Variants in KCNN4 observed in about 807,000 individuals in gnomAD.
KCNN4 encodes the protein intermediate conductance calcium-activated potassium channel protein 4.
In KCNN4, 31 loss-of-function variants were observed where a neutral mutation model predicts 45.2. That is an observed-to-expected ratio of 0.69 (90% CI 0.52 to 0.92). The LOEUF (loss-of-function observed/expected upper bound fraction) is 0.92. Ranked by LOEUF, KCNN4 falls within the 40% of genes least tolerant of loss-of-function variation. The probability of loss-of-function intolerance (pLI) is 0.00; values close to 1 mark genes in which losing one functional copy is unlikely to be tolerated. For synonymous variants in KCNN4, 231 were observed against 254.6 expected (o/e 0.91, Z 0.88); for missense variants, 463 against 574.0 (o/e 0.81, Z 1.98).
At chr19:43,776,672 C>A in intron 1 of KCNN4, 36 bp from the exon 2 acceptor site, 1 of 1,413,870 alleles carries the variant, frequency 7.1e-7, no homozygotes, top group Non-Finnish European at 1.0e-6. Context: ...TGTGAGATCC[C>A]AGGTCTCCCT....
In KCNN4 at chr19:43,776,643, G is replaced by C. The variant is rs1221882660; in HGVS notation, c.160-7C>G. The stretch of plus-strand genomic sequence containing the variant: ...GGAACAGGTAGAGCGCCCACTGTCA[G>C]GGGGGACGGAAAAAGCGGTGTGAGA... On this transcript the variant is annotated splice_region_variant and splice_polypyrimidine_tract_variant and intron_variant, in intron 1 of 8. Transcript: ENST00000648319. 5 of 1,597,152 alleles carry C rather than the reference G, an allele frequency of 3.1e-6. No homozygotes were observed. The highest frequency in any genetic ancestry group is 4.3e-6 in the Non-Finnish European group (5 of 1,164,672).
intron 7 of KCNN4, 142 bp from the exon 8 acceptor site, chr19:43,767,849 T>G: frequency 9.3e-7 from 1 of 1,074,600 alleles, no homozygotes; most frequent in Middle Eastern, 2.5e-4. Flanking sequence ...TACCATGTAT[T>G]GACCACCTAC....
At position 43,774,129 on chromosome 19, in the gene KCNN4, C is replaced by T. The variant is rs574825086; in HGVS notation, c.683+63G>A. ...GGGGGCCTCAACCTGCACCGCGGCA[C>T]AGGACGGCCGCCGTGGCTGTCCGGG... On this transcript the variant is annotated intron_variant, in intron 3 of 8. Transcript: ENST00000648319. This position sits in a 1 kb window ranked among gnomAD's most constrained non-coding sequence, Gnocchi z 5.6. 23 of 1,503,874 alleles carry T rather than the reference C, an allele frequency of 1.5e-5. No homozygotes were observed. In the African/African-American group the frequency reaches 2.8e-4, roughly 18 times the overall value. The allele number at this position is 1,503,874 out of a possible 1,614,324, so 93.2% of individuals were successfully genotyped here.
At position 43,772,157 on chromosome 19, in the gene KCNN4, T is replaced by C. The variant is rs1372176665; in HGVS notation, c.684-22A>G. 6.2e-7 allele frequency: 1 copy of C among 1,611,642 alleles called. No individual in the cohort carries two copies. Among genetic ancestry groups the C allele is most frequent in the Non-Finnish European group, 8.5e-7 (1 of 1,179,194 alleles). On this transcript the variant is annotated intron_variant, in intron 3 of 8. Coordinates refer to ENST00000648319, the MANE Select transcript of KCNN4 (RefSeq NM_002250.3). The surrounding 1 kb of genome is among the most constrained non-coding windows in gnomAD (Gnocchi z 4.4). ...CTGCCTATGGGGAAGGGTAGGTTAG[T>C]TCTAAAACCCCACCATAGAGGTTTC...
chr19:43,769,671 T>C lies in KCNN4; in HGVS notation c.930+48A>G, dbSNP rs1029696671. ...GGGGAAGCAGGGGCGCCTGGACTCCTGCTTCTTGGAAGAGGGGTGTCCCAT... is the reference window on the plus strand; with the variant it reads ...GGGGAAGCAGGGGCGCCTGGACTCCCGCTTCTTGGAAGAGGGGTGTCCCAT... On this transcript the variant is annotated intron_variant, in intron 5 of 8. Transcript: ENST00000648319. The surrounding 1 kb of genome is among the most constrained non-coding windows in gnomAD (Gnocchi z 4.4). 1 of 1,572,096 alleles carries C rather than the reference T, an allele frequency of 6.4e-7. No individual in the cohort carries two copies. The highest frequency in any genetic ancestry group is 1.4e-5 in the African/African-American group (1 of 73,964).
Position 43,769,265 on chromosome 19 carries a change from C to T in KCNN4, c.1049+177G>A, listed in dbSNP as rs1409696037. 40 of 675,998 alleles carry T rather than the reference C, an allele frequency of 5.9e-5. No individual in the cohort carries two copies. The highest frequency in any genetic ancestry group is 5.2e-6 in the Non-Finnish European group (2 of 386,534). The allele number at this position is 675,998 out of a possible 1,614,324, so 41.9% of individuals were successfully genotyped here. A position where few individuals can be genotyped will look rare whatever the true frequency, so the allele number is the denominator to read the frequency against. ...CACACCGAGATATGCGGAGACAAAC[C>T]AGCACAGACACATAGAGTCATGCAC... On this transcript the variant is annotated intron_variant, in intron 6 of 8. Coordinates refer to ENST00000648319, the MANE Select transcript of KCNN4 (RefSeq NM_002250.3). The surrounding 1 kb of genome is among the most constrained non-coding windows in gnomAD (Gnocchi z 4.4).
chr19:43,774,384 G>A lies in KCNN4; in HGVS notation c.491C>T (p.Pro164Leu), dbSNP rs1355065023. Residue 164 changes from proline to leucine, a missense_variant, in exon 3 of 9, where the codon CCC becomes CTC. Physicochemically the swap from Pro to Leu is moderately conservative, Grantham distance 98. This residue lies in a region of KCNN4 where 225 missense variants were observed against 240.9 expected (regional missense o/e 0.93). Transcript: ENST00000648319. This position sits in a 1 kb window ranked among gnomAD's most constrained non-coding sequence, Gnocchi z 5.6. ...LAMLLRLYLV[P>L]RAVLLRSGVL... The stretch of plus-strand genomic sequence containing the variant: ...GCCGCTGCGCAGGAGCACGGCGCGG[G>A]GCACCAGGTAGAGACGCAGCAGCAT... 1.9e-6 allele frequency: 3 copies of A among 1,603,270 alleles called. No individual in the cohort carries two copies. The highest frequency in any genetic ancestry group is 2.6e-6 in the Non-Finnish European group (3 of 1,175,300).
intron 8 of KCNN4, 164 bp downstream of exon 8, chr19:43,767,376 C>T: frequency 1.2e-6 from 1 of 815,312 alleles, no homozygotes; most frequent in Non-Finnish European, 1.9e-6. Context: ...CCTTCACTGC[C>T]AGTCCAGCCC....
rs1221270770 is a variant in KCNN4 at position 43,776,143 on chromosome 19, A to T, written c.255+398T>A. Among the ~76,000 whole-genome samples, 773 of 150,106 alleles carry T rather than the reference A, an allele frequency of 5.1e-3. 12 individuals are homozygous for T. The highest frequency in any genetic ancestry group is 0.018 in the African/African-American group (745 of 40,912). On this transcript the variant is annotated intron_variant, in intron 2 of 8. Transcript: ENST00000648319. ...ACCTTGTCTCAAAAAAAAAAAAAAA[A>T]AAAAAAAAAAAAAGGAGTGGGCAGC...
At position 43,774,515 on chromosome 19, in the gene KCNN4, CGCCGGGTGCA is replaced by C; in HGVS notation, c.350_359del (p.Leu117ArgfsTer12). 6.3e-7 allele frequency: 1 copy of C among 1,596,454 alleles called. No individual in the cohort carries two copies. The highest frequency in any genetic ancestry group is 8.5e-7 in the Non-Finnish European group (1 of 1,174,914). ...GCACGCACGGCGGGCCCCGCACGGGCGCCGGGTGCAGCCCACACACCACCAGCTCCAGCAC... is the reference window on the plus strand; with the variant it reads ...GCACGCACGGCGGGCCCCGCACGGGCGCCCACACACCACCAGCTCCAGCAC... On this transcript the variant is annotated frameshift_variant, in exon 3 of 9. Transcript: ENST00000648319. LOFTEE classifies it high-confidence loss of function. This position sits in a 1 kb window ranked among gnomAD's most constrained non-coding sequence, Gnocchi z 5.6.
In KCNN4 at chr19:43,767,702, G is replaced by A. The variant is rs765197654; in HGVS notation, c.1125C>T (p.His375=). The A allele has an allele frequency of 1.9e-6, 3 of 1,614,186 alleles. No individual in the cohort carries two copies. The East Asian group carries it at 6.7e-5, about 36-fold the overall frequency. The part of the protein sequence containing the change: ...VNSMVDISKM[H]MILYDLQQNL... ...TCTGCTGCAGGTCATACAGGATCAT[G>A]TGCATCTGGGTGGGAGGAGAGGATC... The change falls in exon 8 of 9, where the codon CAC becomes CAT. Residue 375 remains histidine, a synonymous_variant. Coordinates refer to ENST00000648319, the MANE Select transcript of KCNN4 (RefSeq NM_002250.3).
At chr19:43,780,130 C>T (rs1407231786) in intron 1 of KCNN4, among the ~76,000 whole-genome samples, 1 of 152,080 alleles carries the variant, frequency 6.6e-6, no homozygotes. Context: ...TACCTCTCCC[C>T]TTATTGGCTC....
chr19:43,780,810 A>G lies in KCNN4; in HGVS notation c.52T>C (p.Leu18=), dbSNP rs1340361313. 6.2e-7 allele frequency: 1 copy of G among 1,613,840 alleles called. No individual in the cohort carries two copies. The highest frequency in any genetic ancestry group is 8.5e-7 in the Non-Finnish European group (1 of 1,179,954). The change falls in exon 1 of 9, where the codon TTG becomes CTG. Residue 18 remains leucine (L), a synonymous_variant. Coordinates refer to ENST00000648319, the MANE Select transcript of KCNN4 (RefSeq NM_002250.3). ...GLGALRRRKR[L]LEQEKSLAGW... ...GCCAGAGACTTCTCCTGCTCCAGCAAGCGCTTTCGGCGTCTCAAGGCCCCC... is the reference window on the plus strand; with the variant it reads ...GCCAGAGACTTCTCCTGCTCCAGCAGGCGCTTTCGGCGTCTCAAGGCCCCC...
intron 2 of KCNN4, among the ~76,000 whole-genome samples, 177 bp downstream of exon 2, chr19:43,776,364 G>A (rs913654131): frequency 1.6e-4 from 25 of 152,004 alleles, no homozygotes; most frequent in South Asian, 1.2e-3. Context: ...GGTGGGGGAG[G>A]CTCTGCCTGT....
At position 43,767,719 on chromosome 19, in the gene KCNN4, G is replaced by C. The variant is rs755865818; in HGVS notation, c.1120-12C>G. The C allele has an allele frequency of 3.7e-6, 6 of 1,613,920 alleles. No individual in the cohort carries two copies. In the South Asian group the frequency reaches 6.6e-5, roughly 18 times the overall value. On this transcript the variant is annotated splice_polypyrimidine_tract_variant and intron_variant, in intron 7 of 8. Coordinates refer to ENST00000648319, the MANE Select transcript of KCNN4 (RefSeq NM_002250.3). ...AGGATCATGTGCATCTGGGTGGGAG[G>C]AGAGGATCAGAGGTGTCGGGGCTGG...
chr19:43,769,165 G>C lies in KCNN4; in HGVS notation c.1050-133C>G, dbSNP rs528269027. The C allele has an allele frequency of 2.0e-6, 2 of 1,015,104 alleles. No homozygotes were observed. Among genetic ancestry groups the C allele is most frequent in the Non-Finnish European group, 3.0e-6 (2 of 659,266 alleles). 62.9% of individuals were successfully genotyped at this position (1,015,104 alleles called of 1,614,324 possible). On this transcript the variant is annotated intron_variant, in intron 6 of 8. Transcript: ENST00000648319. This position sits in a 1 kb window ranked among gnomAD's most constrained non-coding sequence, Gnocchi z 4.4. ...AAACAAAGTTGTCGAAGAGCTGAAA[G>C]AGTGGGAGGGGATGCACCCTGCCTC...
rs1332294282 is a variant in KCNN4, at chr19:43,769,719, C to A, written c.930G>T (p.Glu310Asp). 6.2e-7 allele frequency: 1 copy of A among 1,612,150 alleles called. No homozygotes were observed. Among genetic ancestry groups the A allele is most frequent in the Non-Finnish European group, 8.5e-7 (1 of 1,178,556 alleles). Residue 310 changes from glutamate to aspartate, a missense_variant and splice_region_variant, in exon 5 of 9, where the codon GAG becomes GAT. Around this residue, in one of 3 missense-constraint regions of KCNN4, gnomAD observed 109 missense variants for 183.7 expected, o/e 0.59. Transcript: ENST00000648319. This position sits in a 1 kb window ranked among gnomAD's most constrained non-coding sequence, Gnocchi z 4.4. ...NFMMDIQYTKEMKESAARVLQ... is the reference protein window; with the variant it reads ...NFMMDIQYTKDMKESAARVLQ... ...CATGGGTGCCATATGCCCATCTCAC[C>A]TCTTTGGTATACTGGATATCCATCA...
chr19:43,777,691 CTT>C (rs1969854513), intron 1 of KCNN4, among the ~76,000 whole-genome samples: 1 of 149,978 alleles, frequency 6.7e-6, no homozygotes, highest in Admixed American at 6.6e-5. Context: ...TTTTTCCTCT[CTT>C]TGTGTGGCAC....
At position 43,769,677 on chromosome 19, in the gene KCNN4, T is replaced by G; in HGVS notation, c.930+42A>C. 6.4e-7 allele frequency: 1 copy of G among 1,573,788 alleles called. No homozygotes were observed. Among genetic ancestry groups the G allele is most frequent in the African/African-American group, 1.3e-5 (1 of 74,088 alleles). ...GCAGGGGCGCCTGGACTCCTGCTTC[T>G]TGGAAGAGGGGTGTCCCATGGGTGC... On this transcript the variant is annotated intron_variant, in intron 5 of 8. Coordinates refer to ENST00000648319, the MANE Select transcript of KCNN4 (RefSeq NM_002250.3). This position sits in a 1 kb window ranked among gnomAD's most constrained non-coding sequence, Gnocchi z 4.4.
Sources: allele counts gnomAD v4.1 joint callset (sites outside exome capture counted in the v4.1 genomes callset), GRCh38; gene constraint gnomAD v4.1.1; regional missense constraint gnomAD v4.1.1; non-coding constraint Gnocchi (gnomAD v3.1); transcripts MANE v1.5; gene names NCBI Gene and HGNC (gene_info 2026-07-23, HGNC 2026-07-21).